The following FOXO1 variants were observed in gnomAD, a reference collection of about 807,000 sequenced individuals.
FOXO1 encodes forkhead box protein O1.
Under a neutral mutation model 44.1 loss-of-function variants are expected in FOXO1, and 6 were observed. That is an observed-to-expected ratio of 0.14 (90% CI 0.07 to 0.27). The LOEUF (loss-of-function observed/expected upper bound fraction) is 0.27, where lower values mean the gene tolerates loss of function less well. FOXO1 is among the 10% of genes least tolerant of loss of function. The pLI, the probability that FOXO1 is intolerant of heterozygous loss-of-function variation, is 1.00. For synonymous variants in FOXO1, 380 were observed against 362.7 expected (o/e 1.05, Z -0.54); for missense variants, 737 against 888.8 (o/e 0.83, Z 2.17).
At chr13:40,584,466 A>G (rs1407612747) in intron 1 of FOXO1, among the ~76,000 whole-genome samples, 1 of 117,882 alleles carries the variant, frequency 8.5e-6, no homozygotes, top group Non-Finnish European at 1.8e-5. Flanking sequence ...TCCACAAAAA[A>G]TGCAAAAAAA....
At chr13:40,606,006 A>C (rs1875983212) in intron 1 of FOXO1, among the ~76,000 whole-genome samples, 1 of 152,218 alleles carries the variant, frequency 6.6e-6, no homozygotes. Flanking sequence ...TATAACAATA[A>C]TGTAGTGGAA....
chr13:40,607,224 C>T (rs1391005711), intron 1 of FOXO1, among the ~76,000 whole-genome samples: 1 of 152,180 alleles, frequency 6.6e-6, no homozygotes, highest in African/African-American at 2.4e-5. Flanking sequence ...GTCTTCCAGA[C>T]AAAAACCGGA....
intron 1 of FOXO1, chr13:40,619,294 C>CA (rs1302424495): frequency 1.4e-5 from 6 of 418,256 alleles, no homozygotes; most frequent in Non-Finnish European, 2.7e-5. Flanking sequence ...AACTCCATCT[C>CA]AAAAAAATAA....
chr13:40,630,653 A>C (rs1228706648), intron 1 of FOXO1, among the ~76,000 whole-genome samples: 1 of 146,022 alleles, frequency 6.8e-6, no homozygotes, highest in Non-Finnish European at 1.5e-5. Flanking sequence ...AAACTTCTCA[A>C]AAAAAAAAAA....
intron 1 of FOXO1, among the ~76,000 whole-genome samples, chr13:40,624,907 A>C (rs1485496567): frequency 6.6e-6 from 1 of 152,252 alleles, no homozygotes; most frequent in Admixed American, 6.5e-5. Context: ...AACAATATAC[A>C]TTGCAATATT....
Position 40,557,199 on chromosome 13 carries a change from T to C in FOXO1, c.*1850A>G, listed in dbSNP as rs1027601257. 6.6e-6 allele frequency: 1 copy of C among 152,196 alleles called. No individual in the cohort carries two copies. Among genetic ancestry groups the C allele is most frequent in the Non-Finnish European group, 1.5e-5 (1 of 68,038 alleles). 9.4% of individuals were successfully genotyped at this position (152,196 alleles called of 1,614,324 possible). On this transcript the variant is annotated 3_prime_UTR_variant, in exon 3 of 3. Coordinates refer to ENST00000379561, the MANE Select transcript of FOXO1 (RefSeq NM_002015.4). ...TGATGTGGGCTATATACAGAAAAAT[T>C]AGATCCTTCTCAAGAACACAAGAGG... is the stretch of plus-strand genomic sequence containing the variant.
At chr13:40,658,179 G>T (rs925801779) in intron 1 of FOXO1, among the ~76,000 whole-genome samples, 10 of 152,218 alleles carry the variant, frequency 6.6e-5, no homozygotes, top group Non-Finnish European at 2.9e-5. Flanking sequence ...CACTGAGCAA[G>T]ATCTGCTGAA....
At chr13:40,613,735 C>T (rs997767053) in intron 1 of FOXO1, among the ~76,000 whole-genome samples, 1 of 152,202 alleles carries the variant, frequency 6.6e-6, no homozygotes, top group Non-Finnish European at 1.5e-5. Flanking sequence ...CTTGAACAAA[C>T]ACAAGCGTGA....
At chr13:40,658,764 C>T (rs1344619157) in intron 1 of FOXO1, among the ~76,000 whole-genome samples, 1 of 152,150 alleles carries the variant, frequency 6.6e-6, no homozygotes, top group East Asian at 1.9e-4. Context: ...AATCCTAGCA[C>T]TTTGGGAGGC....
At chr13:40,618,517 G>A (rs539034345) in intron 1 of FOXO1, among the ~76,000 whole-genome samples, 10 of 152,186 alleles carry the variant, frequency 6.6e-5, no homozygotes, top group Non-Finnish European at 1.5e-4. Flanking sequence ...CGAGTGATGA[G>A]GGCAGAGAGG....
chr13:40,630,610 G>C (rs1009166447), intron 1 of FOXO1, among the ~76,000 whole-genome samples: 1 of 151,574 alleles, frequency 6.6e-6, no homozygotes, highest in Admixed American at 6.6e-5. Flanking sequence ...GGCCGAGATC[G>C]CGCCACTGCA....
rs186612860 is a variant in FOXO1, at chr13:40,555,902, G to A, written c.*3147C>T. 2.6e-5 allele frequency: 4 copies of A among 152,792 alleles called. No homozygotes were observed. In the East Asian group the frequency reaches 7.7e-4, roughly 29 times the overall value. The allele number at this position is 152,792 out of a possible 1,614,324, so 9.5% of individuals were successfully genotyped here. A position where few individuals can be genotyped will look rare whatever the true frequency, so the allele number is the denominator to read the frequency against. On this transcript the variant is annotated 3_prime_UTR_variant, in exon 3 of 3. Transcript: ENST00000379561. ...GGAATCTGCACTGTTACTAAACTCG[G>A]GTAGCGAAATGCAGGAGGCATGACT... is the stretch of plus-strand genomic sequence containing the variant.
At chr13:40,632,962 A>C (rs558454396) in intron 1 of FOXO1, among the ~76,000 whole-genome samples, 1 of 152,106 alleles carries the variant, frequency 6.6e-6, no homozygotes, top group African/African-American at 2.4e-5. Context: ...ATCTGAGTAG[A>C]TATCTCTCCA....
rs1555248752 is a variant in FOXO1, at chr13:40,585,343, G to GCACACACACACACACACACACA, written c.631-24505_631-24484dup. 5.4e-5 allele frequency among the ~76,000 whole-genome samples: 8 copies of GCACACACACACACACACACACA among 147,130 alleles called. No homozygotes were observed. In the South Asian group the frequency reaches 6.6e-4, roughly 12 times the overall value. ...ATGTAAGTATTTCCTCTGCGCGCGC[G>GCACACACACACACACACACACA]CACACACACACACACACACACACAC... On this transcript the variant is annotated intron_variant, in intron 1 of 2. Coordinates refer to ENST00000379561, the MANE Select transcript of FOXO1 (RefSeq NM_002015.4).
chr13:40,619,022 C>T, intron 1 of FOXO1: 1 of 500,480 alleles, frequency 2.0e-6, no homozygotes, highest in African/African-American at 1.9e-5. Context: ...CACCGTGACT[C>T]ATGCCTGTAA....
intron 1 of FOXO1, among the ~76,000 whole-genome samples, chr13:40,596,149 A>G (rs1875570654): frequency 6.6e-6 from 1 of 152,066 alleles, no homozygotes; most frequent in South Asian, 2.1e-4. Flanking sequence ...CTTCTTATTA[A>G]ATGGCCAAAT....
intron 1 of FOXO1, among the ~76,000 whole-genome samples, chr13:40,640,413 A>G (rs1054535978): frequency 2.0e-5 from 3 of 152,220 alleles, no homozygotes; most frequent in Non-Finnish European, 4.4e-5. Context: ...GTATCGTCCA[A>G]AGCAAAACCA....
intron 1 of FOXO1, among the ~76,000 whole-genome samples, chr13:40,615,845 G>A (rs1022698205): frequency 7.2e-5 from 11 of 152,168 alleles, no homozygotes; most frequent in African/African-American, 2.2e-4. Context: ...AGGAGGGCTC[G>A]GCTGTAATAA....
chr13:40,660,912 C>G (rs991877553), intron 1 of FOXO1, among the ~76,000 whole-genome samples: 3 of 151,832 alleles, frequency 2.0e-5, no homozygotes, highest in Non-Finnish European at 4.4e-5. Context: ...CCACTACACT[C>G]CAGCCTGGGC....
Sources: gnomAD v4.1 joint callset for allele counts (sites outside exome capture counted in the v4.1 genomes callset) on GRCh38, gnomAD v4.1.1 for gene constraint, MANE v1.5 for transcripts, NCBI Gene and HGNC (gene_info 2026-07-23, HGNC 2026-07-21) for gene names.